The following UBE2E2 variants were observed in gnomAD, a reference collection of about 807,000 sequenced individuals.
The protein encoded by UBE2E2 is ubiquitin-conjugating enzyme E2 E2.
In UBE2E2, 6 loss-of-function variants were observed where a neutral mutation model predicts 24.7. The ratio of observed to expected loss-of-function variants is 0.24; its 90% confidence interval spans 0.13 to 0.48. The LOEUF is 0.48. UBE2E2 is among the 20% of genes least tolerant of loss of function. UBE2E2 has a pLI of 0.99. For synonymous variants in UBE2E2, 104 were observed against 83.6 expected (o/e 1.24, Z -1.33); for missense variants, 169 against 245.0 (o/e 0.69, Z 2.07).
intron 3 of UBE2E2, among the ~76,000 whole-genome samples, chr3:23,249,193 G>A (rs546674976): frequency 5.1e-4 from 77 of 151,438 alleles, no homozygotes; most frequent in Non-Finnish European, 9.9e-4. Context: ...ATTGCTTTGA[G>A]CCTGGGAGGC....
At chr3:23,350,645 GACGAA>G (rs1695718195) in intron 3 of UBE2E2, among the ~76,000 whole-genome samples, 1 of 152,172 alleles carries the variant, frequency 6.6e-6, no homozygotes, top group African/African-American at 2.4e-5. Flanking sequence ...AGTGATGGAA[GACGAA>G]ATGAATGAAA....
intron 3 of UBE2E2, among the ~76,000 whole-genome samples, chr3:23,359,049 G>A (rs1226731316): frequency 6.6e-6 from 1 of 152,194 alleles, no homozygotes; most frequent in Non-Finnish European, 1.5e-5. Context: ...TGATCATGAA[G>A]CAGCCATGAT....
Position 23,590,629 on chromosome 3 carries a change from C to G in UBE2E2, c.*798C>G, listed in dbSNP as rs1213307942. ...TTGTGTCCTGGTGACCGCTGTAGCC[C>G]TACGTGCAGTGAGGCTTGTCTAATT... On this transcript the variant is annotated 3_prime_UTR_variant, in exon 6 of 6. Coordinates refer to ENST00000396703, the MANE Select transcript of UBE2E2 (RefSeq NM_152653.4). The G allele has an allele frequency of 6.6e-6, 1 of 152,578 alleles. No individual in the cohort carries two copies. The highest frequency in any genetic ancestry group is 1.5e-5 in the Non-Finnish European group (1 of 68,026). 9.5% of individuals were successfully genotyped at this position (152,578 alleles called of 1,614,324 possible).
At chr3:23,204,778 A>G (rs1163054659) in intron 1 of UBE2E2, 2 of 980,724 alleles carry the variant, frequency 2.0e-6, no homozygotes, top group Admixed American at 6.1e-5. Context: ...CTGTGTGCAT[A>G]TACTATATAT....
intron 3 of UBE2E2, among the ~76,000 whole-genome samples, chr3:23,259,971 A>G (rs1369591397): frequency 6.6e-6 from 1 of 152,200 alleles, no homozygotes; most frequent in Non-Finnish European, 1.5e-5. Flanking sequence ...CTCTTTTCTC[A>G]CAAAAGTAAA....
intron 3 of UBE2E2, among the ~76,000 whole-genome samples, chr3:23,297,195 G>C (rs1431291671): frequency 6.6e-6 from 1 of 152,086 alleles, no homozygotes; most frequent in Non-Finnish European, 1.5e-5. Context: ...GATCATTGTA[G>C]ATTCTGGATA....
chr3:23,555,999 T>G (rs1695770600), intron 5 of UBE2E2, among the ~76,000 whole-genome samples: 1 of 152,046 alleles, frequency 6.6e-6, no homozygotes. Context: ...ATGAGTAGAT[T>G]ATAGCTGTCT....
intron 3 of UBE2E2, among the ~76,000 whole-genome samples, chr3:23,457,218 G>T (rs190611853): frequency 1.3e-5 from 2 of 152,116 alleles, no homozygotes; most frequent in East Asian, 3.9e-4. Flanking sequence ...TCTGGGCAGG[G>T]ATTTTAGTAT....
chr3:23,373,746 C>G (rs775222963), intron 3 of UBE2E2, among the ~76,000 whole-genome samples: 1 of 152,130 alleles, frequency 6.6e-6, no homozygotes, highest in Non-Finnish European at 1.5e-5. Context: ...TGTCACCATC[C>G]TGGCATAATT....
Position 23,582,746 on chromosome 3 carries a change from C to A in UBE2E2, c.509-6988C>A, listed in dbSNP as rs143718885. On this transcript the variant is annotated intron_variant, in intron 5 of 5. Coordinates refer to ENST00000396703, the MANE Select transcript of UBE2E2 (RefSeq NM_152653.4). ...CCTTTGCCCACCTTTTAATGGGGTT[C>A]GTTTTTTGCTTGTAAATTTAAGTTC... Among the ~76,000 whole-genome samples, 82 of 151,728 alleles carry A rather than the reference C, an allele frequency of 5.4e-4. 2 individuals are homozygous for A. The East Asian group carries it at 0.015, about 27-fold the overall frequency.
At chr3:23,298,966 G>C (rs890411537) in intron 3 of UBE2E2, among the ~76,000 whole-genome samples, 2 of 152,130 alleles carry the variant, frequency 1.3e-5, no homozygotes, top group African/African-American at 4.8e-5. Context: ...CAATCTCAGA[G>C]CCTGTTATTG....
In UBE2E2 at chr3:23,408,729, G is replaced by A. The variant is rs191673696; in HGVS notation, c.228-90879G>A. Among the ~76,000 whole-genome samples the A allele has an allele frequency of 1.3e-3, 200 of 152,220 alleles. 3 individuals are homozygous for A. Among genetic ancestry groups the A allele is most frequent in the Admixed American group, 3.1e-3 (48 of 15,272 alleles). On this transcript the variant is annotated intron_variant, in intron 3 of 5. Coordinates refer to ENST00000396703, the MANE Select transcript of UBE2E2 (RefSeq NM_152653.4). ...CTCATAGGCTATCCATAAGTGTCAC[G>A]ATTCACAAAAAACTAGCAGAGTTTT...
chr3:23,248,882 G>C (rs564222993), intron 3 of UBE2E2, among the ~76,000 whole-genome samples: 1 of 152,224 alleles, frequency 6.6e-6, no homozygotes, highest in Non-Finnish European at 1.5e-5. Context: ...AACATTGGCT[G>C]TTTTGGCCTT....
At position 23,281,129 on chromosome 3, in the gene UBE2E2, T is replaced by A. The variant is rs537329632; in HGVS notation, c.227+63817T>A. Among the ~76,000 whole-genome samples, 6 of 152,370 alleles carry A rather than the reference T, an allele frequency of 3.9e-5. No individual in the cohort carries two copies. The South Asian group carries it at 1.0e-3, about 26-fold the overall frequency. On this transcript the variant is annotated intron_variant, in intron 3 of 5. Coordinates refer to ENST00000396703, the MANE Select transcript of UBE2E2 (RefSeq NM_152653.4). ...TCCAAATGGCCTCACCTCCAAATTC[T>A]GTAACACTGGGGACTTGAGTTGCAA...
intron 3 of UBE2E2, among the ~76,000 whole-genome samples, chr3:23,359,666 T>A (rs1185043223): frequency 6.6e-6 from 1 of 152,152 alleles, no homozygotes; most frequent in African/African-American, 2.4e-5. Flanking sequence ...TTTCTAATGA[T>A]ATGTCCTTAT....
chr3:23,220,180 ATTTTT>A (rs562839203), intron 3 of UBE2E2, among the ~76,000 whole-genome samples: 1 of 151,962 alleles, frequency 6.6e-6, no homozygotes, highest in African/African-American at 2.4e-5. Context: ...GTATTGGTTA[ATTTTT>A]TTTCAGGTTT....
At chr3:23,292,071 G>A (rs1017489180) in intron 3 of UBE2E2, among the ~76,000 whole-genome samples, 4 of 152,078 alleles carry the variant, frequency 2.6e-5, no homozygotes, top group East Asian at 1.9e-4. Flanking sequence ...TGTTAACCAG[G>A]ATGGTCTTGA....
At chr3:23,295,629 G>C (rs1324683296) in intron 3 of UBE2E2, among the ~76,000 whole-genome samples, 1 of 152,186 alleles carries the variant, frequency 6.6e-6, no homozygotes, top group African/African-American at 2.4e-5. Flanking sequence ...TCGAATATCG[G>C]TGGCTAGTGG....
Position 23,508,316 on chromosome 3 carries a change from G to T in UBE2E2, c.360+8576G>T, listed in dbSNP as rs537983310. Among the ~76,000 whole-genome samples the T allele has an allele frequency of 2.0e-5, 3 of 152,250 alleles. No individual in the cohort carries two copies. In the East Asian group the frequency reaches 5.8e-4, roughly 29 times the overall value. ...TAGTAATTACTAAGAAGTAGGATTG[G>T]GTTTTGTTTTCAGGGCAAAGAATAC... On this transcript the variant is annotated intron_variant, in intron 4 of 5. Transcript: ENST00000396703.
Sources: allele counts gnomAD v4.1 joint callset (sites outside exome capture counted in the v4.1 genomes callset), GRCh38; gene constraint gnomAD v4.1.1; transcripts MANE v1.5; gene names NCBI Gene and HGNC (gene_info 2026-07-23, HGNC 2026-07-21).